PVT1: variants seen among roughly 807,000 people sequenced by gnomAD.
PVT1 encodes the protein CXCR4/PVT1 fusion.
At chr8:127,844,907 G>T (rs1309198221) in intron 2 of PVT1, among the ~76,000 whole-genome samples, 1 of 152,106 alleles carries the variant, frequency 6.6e-6, no homozygotes, top group African/African-American at 2.4e-5. Flanking sequence ...TAGAGACGGG[G>T]TTTCACTGTG....
intron 2 of PVT1, among the ~76,000 whole-genome samples, chr8:127,882,734 C>T (rs567211739): frequency 3.4e-4 from 51 of 152,192 alleles, no homozygotes; most frequent in African/African-American, 1.0e-3. Context: ...TCCACCTCCT[C>T]GGCCTCCCAA....
At chr8:128,005,148 A>G (rs1300944317) in intron 4 of PVT1, among the ~76,000 whole-genome samples, 1 of 152,198 alleles carries the variant, frequency 6.6e-6, no homozygotes, top group Non-Finnish European at 1.5e-5. Flanking sequence ...CTCAAAAAAA[A>G]AAAAAGTTAC....
intron 2 of PVT1, among the ~76,000 whole-genome samples, chr8:127,864,995 G>C (rs1017355276): frequency 3.3e-5 from 5 of 152,206 alleles, no homozygotes; most frequent in Non-Finnish European, 4.4e-5. Context: ...ACCAGAACTA[G>C]TCTGAGTGCT....
chr8:127,816,510 ATTCTTTTTTTT>A (rs781381027), intron 2 of PVT1, among the ~76,000 whole-genome samples: 6 of 149,618 alleles, frequency 4.0e-5, no homozygotes, highest in African/African-American at 9.8e-5. Flanking sequence ...ACCCATGCGT[ATTCTTTTTTTT>A]TTCTTTTTTT....
intron 4 of PVT1, among the ~76,000 whole-genome samples, chr8:127,991,744 G>A (rs1563659525): frequency 6.6e-6 from 1 of 152,218 alleles, no homozygotes; most frequent in Non-Finnish European, 1.5e-5. Context: ...CCTGAGCATG[G>A]CCTCAGGCAG....
intron 2 of PVT1, among the ~76,000 whole-genome samples, chr8:127,861,348 C>T (rs1815226044): frequency 6.6e-6 from 1 of 152,218 alleles, no homozygotes; most frequent in Non-Finnish European, 1.5e-5. Flanking sequence ...GTGGCTCACA[C>T]CTGTAATCCC....
intron 3 of PVT1, among the ~76,000 whole-genome samples, chr8:127,902,236 GCAAA>G: frequency 6.6e-6 from 1 of 152,224 alleles, no homozygotes; most frequent in African/African-American, 2.4e-5. Flanking sequence ...TCAGTCCTGT[GCAAA>G]CTGGGATGGT....
chr8:127,820,452 G>A (rs1247819365), intron 2 of PVT1, among the ~76,000 whole-genome samples: 1 of 152,232 alleles, frequency 6.6e-6, no homozygotes, highest in African/African-American at 2.4e-5. Flanking sequence ...CAGGATGCAT[G>A]ATGGGATCTC....
In PVT1 at chr8:128,075,180, C is replaced by G. The variant is rs76419876; in HGVS notation, n.1114+4819C>G. On this transcript the variant is annotated intron_variant and non_coding_transcript_variant, in intron 5 of 10. Coordinates refer to ENST00000651587, the Ensembl canonical transcript of PVT1. ...GCCTTGGCAGAATTGACTGGAGACT[C>G]TGTTTTGGCCTTTGGATTTCCCGTG... 7.4e-3 allele frequency among the ~76,000 whole-genome samples: 1,120 copies of G among 152,170 alleles called. 20 individuals are homozygous for G. Among genetic ancestry groups the G allele is most frequent in the African/African-American group, 0.026 (1,088 of 41,512 alleles).
intron 3 of PVT1, among the ~76,000 whole-genome samples, chr8:127,928,017 A>G (rs1031054269): frequency 1.3e-5 from 2 of 152,170 alleles, no homozygotes; most frequent in African/African-American, 2.4e-5. Flanking sequence ...GCCATCTCCC[A>G]CTACCTACTG....
chr8:127,925,622 G>C (rs1816120423), intron 3 of PVT1, among the ~76,000 whole-genome samples: 1 of 145,616 alleles, frequency 6.9e-6, no homozygotes, highest in Non-Finnish European at 1.5e-5. Flanking sequence ...AGGCTGTTCT[G>C]TGAATTTTAG....
intron 3 of PVT1, among the ~76,000 whole-genome samples, chr8:127,930,609 C>T (rs556663674): frequency 1.8e-3 from 276 of 152,204 alleles, no homozygotes; most frequent in Non-Finnish European, 3.4e-3. Flanking sequence ...TGTGCATCTC[C>T]ATCTATGAGT....
intron 5 of PVT1, among the ~76,000 whole-genome samples, chr8:128,076,197 C>T (rs1311693711): frequency 3.9e-5 from 6 of 152,146 alleles, no homozygotes; most frequent in South Asian, 4.1e-4. Context: ...TTTCTTCTCC[C>T]GGGACGTTAC....
intron 3 of PVT1, among the ~76,000 whole-genome samples, chr8:127,922,195 A>G (rs1430190329): frequency 6.6e-6 from 1 of 151,890 alleles, no homozygotes; most frequent in Non-Finnish European, 1.5e-5. Flanking sequence ...ATCTTATTTT[A>G]TGTATAGTTT....
chr8:128,018,620 G>A (rs549612456), intron 4 of PVT1, among the ~76,000 whole-genome samples: 51 of 152,324 alleles, frequency 3.3e-4, no homozygotes, highest in African/African-American at 1.2e-3. Context: ...GGGTCAAACA[G>A]GGGGTGTATT....
chr8:127,796,443 G>C (rs956175569), intron 2 of PVT1, among the ~76,000 whole-genome samples: 2 of 152,050 alleles, frequency 1.3e-5, no homozygotes, highest in African/African-American at 4.8e-5. Context: ...AATTCTCACT[G>C]CCCACATCAA....
intron 2 of PVT1, among the ~76,000 whole-genome samples, chr8:127,823,270 C>T (rs1814753104): frequency 6.6e-6 from 1 of 152,122 alleles, no homozygotes; most frequent in Non-Finnish European, 1.5e-5. Context: ...TGGCTGCCAG[C>T]CCATCCCACT....
intron 2 of PVT1, among the ~76,000 whole-genome samples, chr8:127,886,125 A>G (rs1815520060): frequency 6.6e-6 from 1 of 152,118 alleles, no homozygotes; most frequent in African/African-American, 2.4e-5. Flanking sequence ...ATAAATAAAT[A>G]AATAAATGGG....
At chr8:128,089,210 T>G (rs1814316335) in intron 5 of PVT1, among the ~76,000 whole-genome samples, 1 of 152,228 alleles carries the variant, frequency 6.6e-6, no homozygotes, top group African/African-American at 2.4e-5. Context: ...ACTGTAAGAC[T>G]AAGTTTACTT....
Sources: allele counts gnomAD v4.1 joint callset (sites outside exome capture counted in the v4.1 genomes callset), GRCh38; gene constraint gnomAD v4.1.1; transcripts MANE v1.5; gene names NCBI Gene and HGNC (gene_info 2026-07-23, HGNC 2026-07-21).